Variants in KCNMA1 observed in about 807,000 individuals in gnomAD.
KCNMA1 encodes the protein potassium calcium-activated channel subfamily M alpha 1, also known as Calcium-activated potassium channel subunit alpha-1.
Under a neutral mutation model 140.0 loss-of-function variants are expected in KCNMA1, and 29 were observed. The observed-to-expected ratio is 0.21, with a 90% CI of 0.15 to 0.28. The LOEUF is 0.28. KCNMA1 is among the 10% of genes least tolerant of loss of function. KCNMA1 has a pLI of 1.00. For missense variants in KCNMA1, 880 were observed against 1,602.2 expected (o/e 0.55, Z 7.70); for synonymous variants, 612 against 611.9 (o/e 1.00, Z 0.00).
At chr10:77,581,022 T>G (rs1277474730) in intron 1 of KCNMA1, among the ~76,000 whole-genome samples, 1 of 152,212 alleles carries the variant, frequency 6.6e-6, no homozygotes. Context: ...CTGGGAAGAA[T>G]CCATGCTTGG....
intron 14 of KCNMA1, among the ~76,000 whole-genome samples, chr10:77,058,588 C>T (rs2095628057): frequency 6.6e-6 from 1 of 151,840 alleles, no homozygotes; most frequent in African/African-American, 2.4e-5. Flanking sequence ...AATCAGACTA[C>T]AAATCAATAA....
At chr10:77,550,642 G>A (rs530900255) in intron 1 of KCNMA1, among the ~76,000 whole-genome samples, 32 of 152,330 alleles carry the variant, frequency 2.1e-4, no homozygotes, top group African/African-American at 7.0e-4. Flanking sequence ...AGGGAACCAG[G>A]CCGCGTCTGG....
In KCNMA1 at chr10:77,403,994, G is replaced by T. The variant is rs773943592; in HGVS notation, c.408C>A (p.Ser136Arg). 1 of 1,614,114 alleles carries T rather than the reference G, an allele frequency of 6.2e-7. No individual in the cohort carries two copies. The highest frequency in any genetic ancestry group is 8.5e-7 in the Non-Finnish European group (1 of 1,180,044). Reference protein sequence around the residue: ...KEAQKINNGSSQADGTLKPVD... With the variant: ...KEAQKINNGSRQADGTLKPVD... ...CTGGTTTGAGAGTGCCATCCGCCTG[G>T]CTTGAGCCATTGTTAATCTTCTGGG... The change falls in exon 2 of 28, where the codon AGC (serine) becomes AGA (arginine). Residue 136 changes from serine to arginine, a missense_variant. Ser to Arg is a moderately radical substitution (Grantham distance 110). Around this residue, in one of 13 missense-constraint regions of KCNMA1, gnomAD observed 54 missense variants for 56.4 expected, o/e 0.96. Coordinates refer to ENST00000286628, the MANE Select transcript of KCNMA1 (RefSeq NM_001161352.2).
At chr10:77,048,885 T>C (rs1171250098) in intron 14 of KCNMA1, among the ~76,000 whole-genome samples, 1 of 152,090 alleles carries the variant, frequency 6.6e-6, no homozygotes, top group Non-Finnish European at 1.5e-5. Context: ...CTCAGCCTCC[T>C]GACTAGCTGG....
chr10:77,200,824 T>C (rs1027696838), intron 3 of KCNMA1, among the ~76,000 whole-genome samples: 1 of 152,136 alleles, frequency 6.6e-6, no homozygotes, highest in African/African-American at 2.4e-5. Context: ...TATAGACAAA[T>C]TGTATACATG....
At chr10:77,096,214 G>A (rs747910044) in intron 9 of KCNMA1, among the ~76,000 whole-genome samples, 1 of 152,132 alleles carries the variant, frequency 6.6e-6, no homozygotes, top group African/African-American at 2.4e-5. Flanking sequence ...GTGCCAGGGA[G>A]GATAACCTAA....
At chr10:77,015,741 C>T (rs185044477) in intron 17 of KCNMA1, among the ~76,000 whole-genome samples, 4 of 152,214 alleles carry the variant, frequency 2.6e-5, no homozygotes, top group African/African-American at 9.6e-5. Context: ...TAAGCCCTGA[C>T]TCTAGCCTTC....
chr10:77,205,928 A>G (rs2043962122), intron 3 of KCNMA1, among the ~76,000 whole-genome samples: 1 of 152,210 alleles, frequency 6.6e-6, no homozygotes, highest in African/African-American at 2.4e-5. Context: ...TATATGAGCT[A>G]ATAGTATAGA....
At chr10:77,462,381 A>T (rs1178059779) in intron 1 of KCNMA1, among the ~76,000 whole-genome samples, 1 of 151,780 alleles carries the variant, frequency 6.6e-6, no homozygotes. Flanking sequence ...ACACACTTAG[A>T]CGTAAAAACA....
chr10:77,156,555 C>T (rs963100908), intron 5 of KCNMA1, among the ~76,000 whole-genome samples: 4 of 152,166 alleles, frequency 2.6e-5, no homozygotes, highest in Admixed American at 1.3e-4. Flanking sequence ...AATAGCCCTT[C>T]CCAAAACTAA....
At chr10:76,898,823 A>G (rs7910627) in intron 25 of KCNMA1, among the ~76,000 whole-genome samples, 16,025 of 151,924 alleles carry the variant, frequency 0.11, 2,711 homozygotes, top group African/African-American at 0.36. Flanking sequence ...CAGAATTATA[A>G]TAAGTAAAAT....
chr10:77,264,558 T>C (rs749467799), intron 2 of KCNMA1, among the ~76,000 whole-genome samples: 4 of 152,282 alleles, frequency 2.6e-5, no homozygotes, highest in East Asian at 1.9e-4. Flanking sequence ...AGTGAAAGAA[T>C]TGGCAAGACA....
intron 1 of KCNMA1, among the ~76,000 whole-genome samples, chr10:77,466,505 T>G (rs1218881992): frequency 6.6e-6 from 1 of 152,198 alleles, no homozygotes; most frequent in African/African-American, 2.4e-5. Context: ...ATTCCTGTCC[T>G]CAAAGAGCTT....
intron 5 of KCNMA1, among the ~76,000 whole-genome samples, chr10:77,135,505 G>A (rs550487028): frequency 6.6e-6 from 1 of 152,288 alleles, no homozygotes; most frequent in East Asian, 1.9e-4. Flanking sequence ...TATATATTCA[G>A]AGGAAATGAA....
intron 19 of KCNMA1, among the ~76,000 whole-genome samples, chr10:76,989,508 AG>A (rs1210202278): frequency 6.6e-6 from 1 of 152,206 alleles, no homozygotes; most frequent in Admixed American, 6.5e-5. Context: ...CAGAGTTTAA[AG>A]GAAACTTAGA....
intron 5 of KCNMA1, among the ~76,000 whole-genome samples, chr10:77,182,370 C>T (rs764181254): frequency 2.0e-5 from 3 of 152,148 alleles, no homozygotes; most frequent in Non-Finnish European, 4.4e-5. Flanking sequence ...ACAGAGCTGA[C>T]GGAATGTCCA....
intron 23 of KCNMA1, among the ~76,000 whole-genome samples, chr10:76,943,640 G>A (rs2063167707): frequency 6.6e-6 from 1 of 152,110 alleles, no homozygotes; most frequent in African/African-American, 2.4e-5. Flanking sequence ...TCACCCCAGT[G>A]CCCATCTCCC....
chr10:76,881,188 A>G (rs866674893), downstream of KCNMA1, among the ~76,000 whole-genome samples: 2 of 152,306 alleles, frequency 1.3e-5, no homozygotes, highest in Middle Eastern at 3.4e-3. Context: ...AAGCAAGGAG[A>G]TGCGGGCTAA....
intron 3 of KCNMA1, among the ~76,000 whole-genome samples, chr10:77,239,910 T>C (rs1223176636): frequency 2.0e-5 from 3 of 152,262 alleles, no homozygotes; most frequent in Non-Finnish European, 4.4e-5. Context: ...GATTTATCCA[T>C]GTCAACCTGT....
Sources: allele counts gnomAD v4.1 joint callset (sites outside exome capture counted in the v4.1 genomes callset), GRCh38; gene constraint gnomAD v4.1.1; regional missense constraint gnomAD v4.1.1; transcripts MANE v1.5; gene names NCBI Gene and HGNC (gene_info 2026-07-23, HGNC 2026-07-21).